The following ZNF536 variants were observed in gnomAD, a reference collection of about 807,000 sequenced individuals.
ZNF536 encodes the protein zinc finger protein 536.
Under a neutral mutation model 84.5 loss-of-function variants are expected in ZNF536, and 13 were observed. The observed-to-expected ratio is 0.15, with a 90% CI of 0.10 to 0.24. The LOEUF (loss-of-function observed/expected upper bound fraction) is 0.24. Ranked by LOEUF, ZNF536 falls within the 10% of genes least tolerant of loss-of-function variation. ZNF536 has a pLI of 1.00. For synonymous variants in ZNF536, 811 were observed against 742.5 expected, an observed-to-expected ratio of 1.09 and a Z score of -1.50; for missense variants, 1,536 against 1,747.5, an observed-to-expected ratio of 0.88 and a Z score of 2.16.
intron 1 of ZNF536, among the ~76,000 whole-genome samples, chr19:30,637,629 G>A (rs1600110027): frequency 6.6e-6 from 1 of 152,200 alleles, no homozygotes; most frequent in Non-Finnish European, 1.5e-5. Context: ...AGTAACAAAA[G>A]CACATATTTT....
intron 1 of ZNF536, among the ~76,000 whole-genome samples, chr19:30,596,206 C>A (rs1460244639): frequency 6.7e-6 from 1 of 149,800 alleles, no homozygotes; most frequent in Non-Finnish European, 1.5e-5. Context: ...TGAATGACAG[C>A]AAAAGGGCAG....
rs774853082 is a variant in ZNF536 at position 30,574,608 on chromosome 19, C to T, written c.169+25094C>T. Among the ~76,000 whole-genome samples, 5 of 152,308 alleles carry T rather than the reference C, an allele frequency of 3.3e-5. 1 individual carries two copies. In the South Asian group the frequency reaches 8.3e-4, roughly 25 times the overall value. On this transcript the variant is annotated intron_variant, in intron 1 of 1. Transcript: ENST00000592773. ...GTTGCCTTAAGGCCTTTCTGGCTTC[C>T]GGTCAATCCAGCATTCTTCTTACAG...
chr19:30,448,415 C>G (rs1425536340), intron 2 of ZNF536, among the ~76,000 whole-genome samples: 1 of 152,056 alleles, frequency 6.6e-6, no homozygotes, highest in African/African-American at 2.4e-5. Flanking sequence ...TTATTATTAC[C>G]TGTTAAAGAG....
At chr19:30,661,900 T>A (rs1475272931) in intron 1 of ZNF536, among the ~76,000 whole-genome samples, 1 of 149,886 alleles carries the variant, frequency 6.7e-6, no homozygotes, top group African/African-American at 2.4e-5. Context: ...ACATTCAGAA[T>A]GGCCAGTGGT....
chr19:30,533,766 G>C (rs1023902061), intron 2 of ZNF536, among the ~76,000 whole-genome samples: 10 of 152,192 alleles, frequency 6.6e-5, no homozygotes, highest in African/African-American at 2.4e-4. Context: ...TAGAGGGTGG[G>C]CTGGAAGCTA....
chr19:30,691,338 C>G (rs2051399962), intron 1 of ZNF536, among the ~76,000 whole-genome samples: 1 of 152,132 alleles, frequency 6.6e-6, no homozygotes, highest in African/African-American at 2.4e-5. Context: ...ACAAGCCCGT[C>G]CCCGCTCGGA....
At chr19:30,355,497 C>T (rs1568354898) in intron 3 of ZNF536, among the ~76,000 whole-genome samples, 4 of 152,114 alleles carry the variant, frequency 2.6e-5, no homozygotes, top group Admixed American at 1.3e-4. Context: ...ATGCGATCCC[C>T]GTGCCTTAGC....
chr19:30,623,067 T>C (rs1208999335), intron 1 of ZNF536, among the ~76,000 whole-genome samples: 1 of 149,746 alleles, frequency 6.7e-6, no homozygotes, highest in Non-Finnish European at 1.5e-5. Flanking sequence ...AGATGGGATC[T>C]TGCTGCATCA....
intron 1 of ZNF536, among the ~76,000 whole-genome samples, chr19:30,694,538 G>A (rs1038200157): frequency 2.0e-5 from 3 of 152,318 alleles, no homozygotes; most frequent in Non-Finnish European, 4.4e-5. Flanking sequence ...GCCAGGCAGC[G>A]GGAATAAGTG....
chr19:30,356,207 C>G (rs985662851), intron 3 of ZNF536, among the ~76,000 whole-genome samples: 4 of 152,240 alleles, frequency 2.6e-5, no homozygotes, highest in Non-Finnish European at 4.4e-5. Context: ...ATAGCTTTAT[C>G]CTTTAGAAAG....
intron 1 of ZNF536, among the ~76,000 whole-genome samples, chr19:30,586,976 C>T (rs917608043): frequency 1.3e-5 from 2 of 152,094 alleles, no homozygotes; most frequent in Non-Finnish European, 2.9e-5. Flanking sequence ...GTACTTATTG[C>T]TTACTTTAGC....
chr19:30,290,679 T>A (rs60398089), intron 2 of ZNF536, among the ~76,000 whole-genome samples: 35,527 of 152,130 alleles, frequency 0.23, 5,088 homozygotes, highest in East Asian at 0.54. Context: ...GTTTCTTTTT[T>A]AAAAAATTTT....
chr19:30,352,648 C>CGTACCT (rs1460206502), intron 3 of ZNF536, among the ~76,000 whole-genome samples: 1 of 152,136 alleles, frequency 6.6e-6, no homozygotes, highest in Admixed American at 6.5e-5. Context: ...ATAGGAGTCC[C>CGTACCT]GTACCTGCCC....
At chr19:30,579,231 T>A (rs943443149) in intron 1 of ZNF536, among the ~76,000 whole-genome samples, 3 of 152,198 alleles carry the variant, frequency 2.0e-5, no homozygotes, top group Non-Finnish European at 4.4e-5. Flanking sequence ...GAATGACTAA[T>A]GGGTTTTCCA....
At chr19:30,391,343 G>A (rs942222337) in intron 1 of ZNF536, among the ~76,000 whole-genome samples, 2 of 152,300 alleles carry the variant, frequency 1.3e-5, no homozygotes, top group African/African-American at 2.4e-5. Flanking sequence ...TTGGGAGGCC[G>A]AGGTGGGTCG....
chr19:30,448,077 T>G (rs921461724), intron 2 of ZNF536, among the ~76,000 whole-genome samples: 5 of 152,220 alleles, frequency 3.3e-5, no homozygotes, highest in African/African-American at 1.2e-4. Context: ...GAATTATACT[T>G]GAGTTGTGGT....
At chr19:30,293,215 G>A (rs1232250690) in intron 2 of ZNF536, among the ~76,000 whole-genome samples, 2 of 152,166 alleles carry the variant, frequency 1.3e-5, no homozygotes, top group Non-Finnish European at 2.9e-5. Flanking sequence ...GGAGTGGTTA[G>A]TTCTCTCTCT....
chr19:30,607,965 T>C (rs946424802), intron 1 of ZNF536, among the ~76,000 whole-genome samples: 20 of 152,186 alleles, frequency 1.3e-4, no homozygotes, highest in African/African-American at 4.8e-4. Context: ...TATTAGACCA[T>C]GTACAATAAA....
intron 1 of ZNF536, among the ~76,000 whole-genome samples, chr19:30,278,943 G>A (rs1290765830): frequency 1.3e-5 from 2 of 152,084 alleles, no homozygotes; most frequent in African/African-American, 4.8e-5. Flanking sequence ...GACTAGGTAC[G>A]TGGATCCTAA....
Sources: gnomAD v4.1 joint callset for allele counts (sites outside exome capture counted in the v4.1 genomes callset) on GRCh38, gnomAD v4.1.1 for gene constraint, MANE v1.5 for transcripts, NCBI Gene and HGNC (gene_info 2026-07-23, HGNC 2026-07-21) for gene names.